Variants in HSF2BP observed in about 807,000 individuals in gnomAD.
The protein encoded by HSF2BP is heat shock transcription factor 2 binding protein, also known as heat shock factor 2-binding protein.
In HSF2BP, 35 loss-of-function variants were observed where a neutral mutation model predicts 35.0. The observed-to-expected ratio is 1.00, with a 90% CI of 0.76 to 1.32. HSF2BP has a LOEUF of 1.32. Among genes scored for constraint, HSF2BP ranks in the 40% most tolerant of loss-of-function variants. The pLI, the probability that HSF2BP is intolerant of heterozygous loss-of-function variation, is 0.00. For synonymous variants in HSF2BP, 114 were observed against 117.4 expected, an observed-to-expected ratio of 0.97 and a Z score of 0.18; for missense variants, 326 against 321.7, an observed-to-expected ratio of 1.01 and a Z score of -0.10.
At chr21:43,571,707 T>A (rs574085567) in intron 8 of HSF2BP, among the ~76,000 whole-genome samples, 47 of 88,040 alleles carry the variant, frequency 5.3e-4, no homozygotes, top group African/African-American at 2.1e-3. Context: ...ACATTTTGAG[T>A]CTGTTTCTCT....
intron 8 of HSF2BP, among the ~76,000 whole-genome samples, chr21:43,573,132 C>G (rs1299513133): frequency 6.6e-6 from 1 of 152,214 alleles, no homozygotes; most frequent in Non-Finnish European, 1.5e-5. Context: ...CATGGGTAAG[C>G]CAAGCATGGT....
At chr21:43,647,143 AT>A (rs996229803) in intron 3 of HSF2BP, among the ~76,000 whole-genome samples, 5 of 152,174 alleles carry the variant, frequency 3.3e-5, no homozygotes, top group Non-Finnish European at 4.4e-5. Flanking sequence ...TTACTTTTAT[AT>A]TTTTTTAAGC....
At chr21:43,599,085 G>A (rs1304594603) in intron 7 of HSF2BP, among the ~76,000 whole-genome samples, 4 of 152,196 alleles carry the variant, frequency 2.6e-5, no homozygotes, top group Admixed American at 6.5e-5. Flanking sequence ...GGTAATAACT[G>A]TAATACAGGG....
At chr21:43,582,113 AATGAGGCCCTGCTGTGGGG>A (rs2081753137) in intron 8 of HSF2BP, among the ~76,000 whole-genome samples, 6 of 15,440 alleles carry the variant, frequency 3.9e-4, no homozygotes, top group East Asian at 2.1e-3. Context: ...TGCTGTGGGG[AATGAGGCCCTGCTGTGGGG>A]GATGAGGGCC....
At chr21:43,643,888 G>A (rs2082673271) in intron 4 of HSF2BP, among the ~76,000 whole-genome samples, 1 of 151,720 alleles carries the variant, frequency 6.6e-6, no homozygotes, top group Non-Finnish European at 1.5e-5. Context: ...CCAGGAGGCG[G>A]AGCTTGCAGT....
the HSF2BP span, among the ~76,000 whole-genome samples, chr21:43,495,434 C>T: frequency 1.4e-5 from 1 of 71,482 alleles, no homozygotes. Context: ...GGTTCTCCCC[C>T]TCCGCGGGGC....
intron 8 of HSF2BP, among the ~76,000 whole-genome samples, chr21:43,581,855 C>CCTGCTGAGGGAGATGAGGGT (rs1283078401): frequency 0.012 from 1,725 of 145,874 alleles, 39 homozygotes; most frequent in African/African-American, 0.04. Flanking sequence ...GAGATGAGGG[C>CCTGCTGAGGGAGATGAGGGT]CTGCTGAGGG....
intron 7 of HSF2BP, among the ~76,000 whole-genome samples, chr21:43,605,887 C>G (rs199497830): frequency 1.3e-5 from 2 of 151,656 alleles, no homozygotes; most frequent in African/African-American, 4.8e-5. Flanking sequence ...CATTTCCCCA[C>G]GCCCCGCCAC....
intron 8 of HSF2BP, among the ~76,000 whole-genome samples, chr21:43,585,518 C>T (rs373130169): frequency 2.0e-4 from 30 of 151,902 alleles, no homozygotes; most frequent in African/African-American, 5.3e-4. Context: ...TGGTGATGGG[C>T]GCCTGTAATC....
At chr21:43,458,034 A>C in the HSF2BP span, among the ~76,000 whole-genome samples, 2 of 74,970 alleles carry the variant, frequency 2.7e-5, 1 homozygote, top group Admixed American at 3.7e-4. Flanking sequence ...TCCTCAGCCC[A>C]GATCATCCGG....
chr21:43,608,690 G>A (rs538472289), intron 7 of HSF2BP, among the ~76,000 whole-genome samples: 141 of 152,216 alleles, frequency 9.3e-4, no homozygotes, highest in Non-Finnish European at 1.8e-3. Context: ...AAAGATAAGT[G>A]GTGGCTCATG....
chr21:43,591,138 A>G (rs1225297109), intron 8 of HSF2BP, among the ~76,000 whole-genome samples: 1 of 152,372 alleles, frequency 6.6e-6, no homozygotes, highest in Non-Finnish European at 1.5e-5. Context: ...GGTGAAATGT[A>G]TACTCATTAA....
chr21:43,633,991 A>C (rs962178059), intron 4 of HSF2BP, among the ~76,000 whole-genome samples: 1 of 152,236 alleles, frequency 6.6e-6, no homozygotes, highest in African/African-American at 2.4e-5. Context: ...GCCAGTAAAT[A>C]TAAAATACAA....
At chr21:43,610,408 G>C (rs111767586) in intron 7 of HSF2BP, among the ~76,000 whole-genome samples, 2 of 149,676 alleles carry the variant, frequency 1.3e-5, no homozygotes, top group African/African-American at 4.9e-5. Context: ...GGGCAACAAG[G>C]TGAGACCCTG....
At chr21:43,604,902 A>T (rs1447304478) in intron 7 of HSF2BP, among the ~76,000 whole-genome samples, 1 of 136,852 alleles carries the variant, frequency 7.3e-6, no homozygotes, top group African/African-American at 2.8e-5. Flanking sequence ...CACACACATC[A>T]CACACACACC....
intron 4 of HSF2BP, among the ~76,000 whole-genome samples, chr21:43,634,223 C>G (rs894207523): frequency 2.0e-5 from 3 of 152,168 alleles, no homozygotes; most frequent in Admixed American, 1.3e-4. Context: ...CACCATGGCA[C>G]TCTTCACAAG....
At chr21:43,574,609 G>A (rs566790737) in intron 8 of HSF2BP, among the ~76,000 whole-genome samples, 86 of 152,118 alleles carry the variant, frequency 5.7e-4, no homozygotes, top group African/African-American at 1.8e-3. Flanking sequence ...CGCCCGCCTC[G>A]GCCTCCCAAA....
At chr21:43,636,881 C>T (rs2082566643) in intron 4 of HSF2BP, among the ~76,000 whole-genome samples, 1 of 120,416 alleles carries the variant, frequency 8.3e-6, no homozygotes, top group African/African-American at 3.2e-5. Context: ...GAGAGCGAAA[C>T]CCCGTCTCAA....
Position 43,611,783 on chromosome 21 carries a change from C to T in HSF2BP, c.692+2047G>A, listed in dbSNP as rs1173365814. Among the ~76,000 whole-genome samples, 5 of 152,352 alleles carry T rather than the reference C, an allele frequency of 3.3e-5. No homozygotes were observed. The South Asian group carries it at 1.0e-3, about 32-fold the overall frequency. On this transcript the variant is annotated intron_variant, in intron 7 of 8. Transcript: ENST00000291560. ...CTCCTGCCGCAGGGCGGGATGAGGG[C>T]AGAGTTGCAGGCACTTGGACACAGC... is the stretch of plus-strand genomic sequence containing the variant.
Sources: allele counts gnomAD v4.1 joint callset (sites outside exome capture counted in the v4.1 genomes callset), GRCh38; gene constraint gnomAD v4.1.1; transcripts MANE v1.5; gene names NCBI Gene and HGNC (gene_info 2026-07-23, HGNC 2026-07-21).